The following GREM1 variants were observed in gnomAD, a reference collection of about 807,000 sequenced individuals.
GREM1 encodes the protein gremlin-1.
GREM1 carries 6 observed loss-of-function variants against 13.1 expected under a neutral mutation model. That is an observed-to-expected ratio of 0.46 (90% CI 0.25 to 0.91). The LOEUF (loss-of-function observed/expected upper bound fraction) is 0.91. Ranked by LOEUF, GREM1 falls within the 40% of genes least tolerant of loss-of-function variation. The probability of loss-of-function intolerance (pLI) is 0.18; values close to 1 mark genes in which losing one functional copy is unlikely to be tolerated. For synonymous variants in GREM1, 98 were observed against 93.7 expected (o/e 1.05, Z -0.27); for missense variants, 185 against 233.9 (o/e 0.79, Z 1.36).
chr15:32,744,042 T>C lies in GREM1; in HGVS notation c.*12797T>C, dbSNP rs1259185178. ...CTTACTCTCCAAAGTTACAAACCTTTACTTTTGCTTTATCTTATTTGTTAG... is the reference window on the plus strand; with the variant it reads ...CTTACTCTCCAAAGTTACAAACCTTCACTTTTGCTTTATCTTATTTGTTAG... On this transcript the variant is annotated 3_prime_UTR_variant, in exon 2 of 2. Transcript: ENST00000651154. The C allele has an allele frequency of 6.6e-6, 1 of 152,192 alleles. No homozygotes were observed. The highest frequency in any genetic ancestry group is 1.5e-5 in the Non-Finnish European group (1 of 68,038). 9.4% of individuals were successfully genotyped at this position (152,192 alleles called of 1,614,324 possible).
intron 1 of GREM1, among the ~76,000 whole-genome samples, chr15:32,729,214 T>G (rs1026121854): frequency 6.6e-6 from 1 of 151,788 alleles, no homozygotes; most frequent in African/African-American, 2.4e-5. Flanking sequence ...TTAGTAGAGA[T>G]GGGGTTTCAC....
rs906573252 is a variant in GREM1, at chr15:32,731,404, T to A, written c.*159T>A. ...CTTGTGCGTAGTTCGTGTGCATGAGTGTGGATGGGTGCCTGTGGGTGTTTT... is the reference window on the plus strand; with the variant it reads ...CTTGTGCGTAGTTCGTGTGCATGAGAGTGGATGGGTGCCTGTGGGTGTTTT... On this transcript the variant is annotated 3_prime_UTR_variant, in exon 2 of 2. Coordinates refer to ENST00000651154, the MANE Select transcript of GREM1 (RefSeq NM_013372.7). 1.6e-6 allele frequency: 1 copy of A among 627,124 alleles called. No homozygotes were observed. The highest frequency in any genetic ancestry group is 2.9e-6 in the Non-Finnish European group (1 of 348,500). The allele number at this position is 627,124 out of a possible 1,614,324, so 38.8% of individuals were successfully genotyped here. A position where few individuals can be genotyped will look rare whatever the true frequency, so the allele number is the denominator to read the frequency against.
rs1355775734 is a variant in GREM1, at chr15:32,731,773, C to CT, written c.*530dup. ...GATAGTGACTATGTCAGTCTAATCT[C>CT]TTGTTTGCCAAGGTTCCTAAATTAA... On this transcript the variant is annotated 3_prime_UTR_variant, in exon 2 of 2. Transcript: ENST00000651154. 4.2e-6 allele frequency: 1 copy of CT among 238,212 alleles called. No homozygotes were observed. The highest frequency in any genetic ancestry group is 8.9e-6 in the Non-Finnish European group (1 of 112,122). 14.8% of individuals were successfully genotyped at this position (238,212 alleles called of 1,614,324 possible).
intron 1 of GREM1, among the ~76,000 whole-genome samples, chr15:32,726,450 G>A (rs953613909): frequency 5.3e-5 from 8 of 152,106 alleles, no homozygotes; most frequent in Non-Finnish European, 1.0e-4. Flanking sequence ...AAAGAAATGA[G>A]AACAAAGACA....
chr15:32,719,509 G>A (rs578015969), intron 1 of GREM1, among the ~76,000 whole-genome samples: 1 of 151,262 alleles, frequency 6.6e-6, no homozygotes, highest in South Asian at 2.1e-4. Context: ...CTTATAGACA[G>A]AAATACAGCC....
In GREM1 at chr15:32,731,392, C is replaced by T. The variant is rs1241738674; in HGVS notation, c.*147C>T. 4.6e-6 allele frequency: 3 copies of T among 649,426 alleles called. No homozygotes were observed. Among genetic ancestry groups the T allele is most frequent in the Admixed American group, 2.9e-5 (1 of 34,446 alleles). 40.2% of individuals were successfully genotyped at this position (649,426 alleles called of 1,614,324 possible). On this transcript the variant is annotated 3_prime_UTR_variant, in exon 2 of 2. Transcript: ENST00000651154. Reference sequence around the variant, plus strand: ...GGCAGGAGCCTGCTTGTGCGTAGTTCGTGTGCATGAGTGTGGATGGGTGCC... The same window carrying T: ...GGCAGGAGCCTGCTTGTGCGTAGTTTGTGTGCATGAGTGTGGATGGGTGCC...
rs1450224591 is a variant in GREM1 at position 32,744,295 on chromosome 15, T to A, written c.*13050T>A. The A allele has an allele frequency of 6.6e-6, 1 of 152,286 alleles. No individual in the cohort carries two copies. Among genetic ancestry groups the A allele is most frequent in the South Asian group, 2.1e-4 (1 of 4,822 alleles). The allele number at this position is 152,286 out of a possible 1,614,324, so 9.4% of individuals were successfully genotyped here. A position where few individuals can be genotyped will look rare whatever the true frequency, so the allele number is the denominator to read the frequency against. On this transcript the variant is annotated 3_prime_UTR_variant, in exon 2 of 2. Coordinates refer to ENST00000651154, the MANE Select transcript of GREM1 (RefSeq NM_013372.7). ...TCATTAAGAAAGTTTCAGACAGGGC[T>A]GGGCGCGGTGGCTCACACCTGTTAA...
chr15:32,727,937 A>G (rs2140683710), intron 1 of GREM1, among the ~76,000 whole-genome samples: 1 of 152,352 alleles, frequency 6.6e-6, no homozygotes, highest in South Asian at 2.1e-4. Flanking sequence ...AGGGATGTGA[A>G]GGACCTCTTC....
chr15:32,731,746 T>C lies in GREM1; in HGVS notation c.*501T>C, dbSNP rs1018886005. 7 of 245,976 alleles carry C rather than the reference T, an allele frequency of 2.8e-5. No individual in the cohort carries two copies. Among genetic ancestry groups the C allele is most frequent in the Middle Eastern group, 2.6e-3 (2 of 764 alleles). 15.2% of individuals were successfully genotyped at this position (245,976 alleles called of 1,614,324 possible). Reference sequence around the variant, plus strand: ...TCCTCACAATCCATCTCTTCTTAAGTTGATAGTGACTATGTCAGTCTAATC... The same window carrying C: ...TCCTCACAATCCATCTCTTCTTAAGCTGATAGTGACTATGTCAGTCTAATC... On this transcript the variant is annotated 3_prime_UTR_variant, in exon 2 of 2. Coordinates refer to ENST00000651154, the MANE Select transcript of GREM1 (RefSeq NM_013372.7).
In GREM1 at chr15:32,732,500, G is replaced by A. The variant is rs188017488; in HGVS notation, c.*1255G>A. The A allele has an allele frequency of 1.5e-4, 38 of 245,590 alleles. No individual in the cohort carries two copies. Among genetic ancestry groups the A allele is most frequent in the South Asian group, 1.5e-3 (8 of 5,502 alleles). The allele number at this position is 245,590 out of a possible 1,614,324, so 15.2% of individuals were successfully genotyped here. A position where few individuals can be genotyped will look rare whatever the true frequency, so the allele number is the denominator to read the frequency against. ...GAGATTGGGCTAAAGAGAAGACGAC[G>A]AGAGTAAGGAAATAAAGGGAATTGC... On this transcript the variant is annotated 3_prime_UTR_variant, in exon 2 of 2. Transcript: ENST00000651154.
At chr15:32,726,914 T>C (rs1395945376) in intron 1 of GREM1, among the ~76,000 whole-genome samples, 2 of 151,938 alleles carry the variant, frequency 1.3e-5, no homozygotes, top group Non-Finnish European at 2.9e-5. Flanking sequence ...TGGGAAGAAA[T>C]GGATACATTC....
rs1252280090 is a variant in GREM1 at position 32,733,272 on chromosome 15, A to C, written c.*2027A>C. On this transcript the variant is annotated 3_prime_UTR_variant, in exon 2 of 2. Transcript: ENST00000651154. ...AGAGTGGATTTAATTAAGCACACAA[A>C]TGCTAAGGCAGAATTTTGAGGGTGG... The C allele has an allele frequency of 4.4e-6, 1 of 224,950 alleles. No homozygotes were observed. The highest frequency in any genetic ancestry group is 2.3e-5 in the African/African-American group (1 of 44,092). 13.9% of individuals were successfully genotyped at this position (224,950 alleles called of 1,614,324 possible). A position where few individuals can be genotyped will look rare whatever the true frequency, so the allele number is the denominator to read the frequency against.
At position 32,740,448 on chromosome 15, in the gene GREM1, A is replaced by C. The variant is rs2055751330; in HGVS notation, c.*9203A>C. The C allele has an allele frequency of 6.6e-6, 1 of 152,216 alleles. No individual in the cohort carries two copies. The highest frequency in any genetic ancestry group is 2.1e-4 in the South Asian group (1 of 4,828). 9.4% of individuals were successfully genotyped at this position (152,216 alleles called of 1,614,324 possible). On this transcript the variant is annotated 3_prime_UTR_variant, in exon 2 of 2. Coordinates refer to ENST00000651154, the MANE Select transcript of GREM1 (RefSeq NM_013372.7). ...ATGGAACTGAAGAACACAACAACTG[A>C]ACTGAAAAAATTTATGACAGGACAT... is the stretch of plus-strand genomic sequence containing the variant.
Position 32,736,641 on chromosome 15 carries a change from A to C in GREM1, c.*5396A>C, listed in dbSNP as rs926377651. 5.9e-5 allele frequency: 9 copies of C among 152,212 alleles called. No individual in the cohort carries two copies. The highest frequency in any genetic ancestry group is 2.2e-4 in the African/African-American group (9 of 41,438). The allele number at this position is 152,212 out of a possible 1,614,324, so 9.4% of individuals were successfully genotyped here. Reference sequence around the variant, plus strand: ...TGTTTGAGGAAATCCGTGTACAACTATTAGATGACTACTAACCAAGCAGAG... The same window carrying C: ...TGTTTGAGGAAATCCGTGTACAACTCTTAGATGACTACTAACCAAGCAGAG... On this transcript the variant is annotated 3_prime_UTR_variant, in exon 2 of 2. Coordinates refer to ENST00000651154, the MANE Select transcript of GREM1 (RefSeq NM_013372.7).
At position 32,737,002 on chromosome 15, in the gene GREM1, T is replaced by C. The variant is rs1161317938; in HGVS notation, c.*5757T>C. 1 of 152,174 alleles carries C rather than the reference T, an allele frequency of 6.6e-6. No homozygotes were observed. The highest frequency in any genetic ancestry group is 2.4e-5 in the African/African-American group (1 of 41,438). The allele number at this position is 152,174 out of a possible 1,614,324, so 9.4% of individuals were successfully genotyped here. A position where few individuals can be genotyped will look rare whatever the true frequency, so the allele number is the denominator to read the frequency against. ...CAGTCTCAGCATCTAAACCAAATTT[T>C]GGTGACATTTCATCTTGTTTATGCA... On this transcript the variant is annotated 3_prime_UTR_variant, in exon 2 of 2. Coordinates refer to ENST00000651154, the MANE Select transcript of GREM1 (RefSeq NM_013372.7).
At chr15:32,718,481 G>A in intron 1 of GREM1, 1 of 465,302 alleles carries the variant, frequency 2.1e-6, no homozygotes, top group Non-Finnish European at 4.3e-6. Flanking sequence ...AGCAGCGCCT[G>A]GCAGACGCGC....
chr15:32,725,729 T>G (rs578124188), intron 1 of GREM1, among the ~76,000 whole-genome samples: 1 of 152,306 alleles, frequency 6.6e-6, no homozygotes, highest in South Asian at 2.1e-4. Context: ...TGTCCTGAAT[T>G]GTATTGCCCT....
Position 32,731,335 on chromosome 15 carries a change from C to T in GREM1, c.*90C>T. The T allele has an allele frequency of 3.7e-6, 4 of 1,071,594 alleles. No homozygotes were observed. The highest frequency in any genetic ancestry group is 5.5e-6 in the Non-Finnish European group (4 of 732,220). The allele number at this position is 1,071,594 out of a possible 1,614,324, so 66.4% of individuals were successfully genotyped here. On this transcript the variant is annotated 3_prime_UTR_variant, in exon 2 of 2. Coordinates refer to ENST00000651154, the MANE Select transcript of GREM1 (RefSeq NM_013372.7). ...AACCAGATTCTTACTTGGCTTAAAC[C>T]TAGAGGCCAGAAGAACCCCCAGCTG... is the stretch of plus-strand genomic sequence containing the variant.
chr15:32,722,619 C>T (rs2055426673), intron 1 of GREM1, among the ~76,000 whole-genome samples: 2 of 152,166 alleles, frequency 1.3e-5, no homozygotes, highest in Admixed American at 1.3e-4. Context: ...AATACATTGC[C>T]ATGACCTGCA....
Sources: gnomAD v4.1 joint callset for allele counts (sites outside exome capture counted in the v4.1 genomes callset) on GRCh38, gnomAD v4.1.1 for gene constraint, MANE v1.5 for transcripts, NCBI Gene and HGNC (gene_info 2026-07-23, HGNC 2026-07-21) for gene names.